Variants in METTL2A observed in about 807,000 individuals in gnomAD.
METTL2A encodes the protein methyltransferase 2A, tRNA N3-cytidine, also known as tRNA N(3)-cytidine methyltransferase METTL2A.
In METTL2A, 45 loss-of-function variants were observed where a neutral mutation model predicts 49.4. The ratio of observed to expected loss-of-function variants is 0.91; its 90% CI spans 0.72 to 1.17. The LOEUF (loss-of-function observed/expected upper bound fraction) is 1.17, where lower values mean the gene tolerates loss of function less well. Ranked by LOEUF, METTL2A falls within the 50% of genes most tolerant of loss-of-function variation. The pLI is 0.00. For missense variants in METTL2A, 361 were observed against 462.2 expected, an observed-to-expected ratio of 0.78 and a Z score of 2.01; for synonymous variants, 118 against 167.5, an observed-to-expected ratio of 0.70 and a Z score of 2.28.
chr17:62,427,175 C>T (rs908717389), intron 3 of METTL2A, among the ~76,000 whole-genome samples: 15 of 152,104 alleles, frequency 9.9e-5, no homozygotes, highest in African/African-American at 3.4e-4. Flanking sequence ...ATGGGGACTG[C>T]GCACGTTACT....
intron 5 of METTL2A, among the ~76,000 whole-genome samples, chr17:62,437,211 A>T (rs2070707008): frequency 1.4e-5 from 2 of 143,118 alleles, no homozygotes. Context: ...ATCATAGCCC[A>T]CTGTAGCCTT....
At position 62,447,772 on chromosome 17, in the gene METTL2A, A is replaced by T; in HGVS notation, c.982+6A>T. 5.6e-6 allele frequency: 9 copies of T among 1,614,158 alleles called. No individual in the cohort carries two copies. The highest frequency in any genetic ancestry group is 5.9e-6 in the Non-Finnish European group (7 of 1,179,984). On this transcript the variant is annotated splice_donor_region_variant and intron_variant, in intron 8 of 8. Transcript: ENST00000311506. ...AGTTTACTTCTTCACACAAGGTATG[A>T]AACACCCATCTTTTTACACTAAAAG...
intron 5 of METTL2A, among the ~76,000 whole-genome samples, chr17:62,439,473 G>A (rs1009127516): frequency 1.3e-5 from 2 of 151,510 alleles, no homozygotes; most frequent in Non-Finnish European, 1.5e-5. Context: ...TCCCTCTGTC[G>A]CCCAGGCTGG....
At chr17:62,445,572 G>A (rs2070763097) in intron 7 of METTL2A, among the ~76,000 whole-genome samples, 1 of 152,158 alleles carries the variant, frequency 6.6e-6, no homozygotes, top group Non-Finnish European at 1.5e-5. Flanking sequence ...GCCGAGGTGG[G>A]TGGATCGCCT....
intron 4 of METTL2A, among the ~76,000 whole-genome samples, chr17:62,430,236 A>G (rs2070655520): frequency 6.6e-6 from 1 of 152,228 alleles, no homozygotes; most frequent in East Asian, 1.9e-4. Flanking sequence ...TTGAAGTTAC[A>G]GTCTGAGGAA....
In METTL2A at chr17:62,438,187, A is replaced by G. The variant is rs187159794; in HGVS notation, c.670-2430A>G. Among the ~76,000 whole-genome samples, 8 of 152,160 alleles carry G rather than the reference A, an allele frequency of 5.3e-5. No homozygotes were observed. In the East Asian group the frequency reaches 1.6e-3, roughly 30 times the overall value. Reference sequence around the variant, plus strand: ...TTTGGGAGGCTAAGACGGGCAGATCATCTGAGGTCAAGAGTTCCAGATCAG... The same window carrying G: ...TTTGGGAGGCTAAGACGGGCAGATCGTCTGAGGTCAAGAGTTCCAGATCAG... On this transcript the variant is annotated intron_variant, in intron 5 of 8. Coordinates refer to ENST00000311506, the MANE Select transcript of METTL2A (RefSeq NM_181725.4).
rs187096564 is a variant in METTL2A at position 62,440,643 on chromosome 17, G to A, written c.696G>A (p.Arg232=). Residue 232 remains arginine, a synonymous_variant, in exon 6 of 9, where the codon CGG becomes CGA. Transcript: ENST00000311506. Reference sequence around the variant, plus strand: ...CAAATTCAGAATATGATCCTTCTCGGTGTTTTGCCTTTGTTCACGACCTGT... The same window carrying A: ...CAAATTCAGAATATGATCCTTCTCGATGTTTTGCCTTTGTTCACGACCTGT... ...VQTNSEYDPS[R]CFAFVHDLCD... is the part of the protein sequence containing the mutation. 3.1e-6 allele frequency: 5 copies of A among 1,613,366 alleles called. No individual in the cohort carries two copies. The highest frequency in any genetic ancestry group is 1.3e-5 in the African/African-American group (1 of 74,806).
At chr17:62,431,651 T>C (rs1347836138) in intron 4 of METTL2A, among the ~76,000 whole-genome samples, 1 of 152,220 alleles carries the variant, frequency 6.6e-6, no homozygotes, top group Non-Finnish European at 1.5e-5. Context: ...GTTTTCTTTT[T>C]ATATATAGCA....
chr17:62,425,525 T>C (rs1034403142), intron 2 of METTL2A, among the ~76,000 whole-genome samples: 13 of 149,070 alleles, frequency 8.7e-5, no homozygotes, highest in African/African-American at 3.2e-4. Flanking sequence ...TAGCTGGGAC[T>C]ACAGGTGTGC....
intron 4 of METTL2A, among the ~76,000 whole-genome samples, chr17:62,431,175 C>G (rs1368335799): frequency 4.6e-5 from 7 of 150,824 alleles, no homozygotes; most frequent in Admixed American, 4.6e-4. Flanking sequence ...AATTTTTGTA[C>G]TTTTTAGTAG....
At chr17:62,432,626 C>T (rs1169918186) in intron 4 of METTL2A, among the ~76,000 whole-genome samples, 3 of 152,080 alleles carry the variant, frequency 2.0e-5, no homozygotes, top group Admixed American at 6.6e-5. Flanking sequence ...AGTGAAACCC[C>T]GTCTCCACTC....
chr17:62,437,971 CAA>C (rs111441483), intron 5 of METTL2A, among the ~76,000 whole-genome samples: 1 of 133,942 alleles, frequency 7.5e-6, no homozygotes, highest in Non-Finnish European at 1.6e-5. Context: ...GACTCCATCT[CAA>C]AAAAAAAAAA....
chr17:62,447,550 G>C (rs550446748), intron 7 of METTL2A, 151 bp from the exon 8 acceptor site: 1 of 762,968 alleles, frequency 1.3e-6, no homozygotes, highest in South Asian at 1.7e-5. Flanking sequence ...TTCTGACATT[G>C]TGACTTACTC....
chr17:62,448,983 C>T lies in METTL2A; in HGVS notation c.*254C>T, dbSNP rs1034175809. ...GACAATTCAAGAATTCAGACTTGAA[C>T]CTTAAACCTAGGAAAAGTTACTTTG... On this transcript the variant is annotated 3_prime_UTR_variant, in exon 9 of 9. Transcript: ENST00000311506. The T allele has an allele frequency of 7.2e-6, 3 of 417,452 alleles. No individual in the cohort carries two copies. The highest frequency in any genetic ancestry group is 6.2e-5 in the African/African-American group (3 of 48,410). The allele number at this position is 417,452 out of a possible 1,614,324, so 25.9% of individuals were successfully genotyped here. A position where few individuals can be genotyped will look rare whatever the true frequency, so the allele number is the denominator to read the frequency against.
At chr17:62,424,083 G>T (rs2144131278) in intron 1 of METTL2A, 71 bp downstream of exon 1, 1 of 1,585,616 alleles carries the variant, frequency 6.3e-7, no homozygotes, top group Non-Finnish European at 8.6e-7. Context: ...ACTCCGAAAA[G>T]CCCCTGACCG....
At chr17:62,443,043 A>G (rs1238280549) in intron 6 of METTL2A, among the ~76,000 whole-genome samples, 2 of 152,162 alleles carry the variant, frequency 1.3e-5, no homozygotes, top group African/African-American at 4.8e-5. Context: ...TATGCAGGAT[A>G]ACCCAAAAGG....
intron 2 of METTL2A, among the ~76,000 whole-genome samples, chr17:62,425,544 G>A (rs1202028114): frequency 6.7e-6 from 1 of 149,316 alleles, no homozygotes; most frequent in Non-Finnish European, 1.5e-5. Context: ...GCACCACCAC[G>A]CCTGGCTAAT....
In METTL2A at chr17:62,427,780, G is replaced by C; in HGVS notation, c.559-8G>C. On this transcript the variant is annotated splice_region_variant and splice_polypyrimidine_tract_variant and intron_variant, in intron 3 of 8. Transcript: ENST00000311506. Reference sequence around the variant, plus strand: ...GTTCTGTGATTAATAGTTCATTTCTGTCTGCAGGTTGGCTGTGGTGTGGGA... The same window carrying C: ...GTTCTGTGATTAATAGTTCATTTCTCTCTGCAGGTTGGCTGTGGTGTGGGA... 5 of 1,606,976 alleles carry C rather than the reference G, an allele frequency of 3.1e-6. No homozygotes were observed. Among genetic ancestry groups the C allele is most frequent in the Non-Finnish European group, 4.2e-6 (5 of 1,178,396 alleles).
intron 4 of METTL2A, among the ~76,000 whole-genome samples, chr17:62,433,756 A>AG (rs1410504408): frequency 6.6e-6 from 1 of 151,118 alleles, no homozygotes; most frequent in East Asian, 1.9e-4. Flanking sequence ...AAAAAAAAAA[A>AG]GAAAAACATA....
Sources: gnomAD v4.1 joint callset for allele counts (sites outside exome capture counted in the v4.1 genomes callset) on GRCh38, gnomAD v4.1.1 for gene constraint, MANE v1.5 for transcripts, NCBI Gene and HGNC (gene_info 2026-07-23, HGNC 2026-07-21) for gene names.